Variants in EXT1 observed in about 807,000 individuals in gnomAD.
EXT1 encodes exostosin glycosyltransferase 1, also known as exostosin-1.
EXT1 carries 20 observed loss-of-function variants against 82.5 expected under a neutral mutation model. That is an observed-to-expected ratio of 0.24 (90% CI 0.17 to 0.35). The LOEUF (loss-of-function observed/expected upper bound fraction) is 0.35. Ranked by LOEUF, EXT1 falls within the 10% of genes least tolerant of loss-of-function variation. EXT1 has a pLI of 1.00. For missense variants in EXT1, 757 were observed against 936.5 expected (o/e 0.81, Z 2.50); for synonymous variants, 348 against 350.8 (o/e 0.99, Z 0.09).
At chr8:117,799,920 G>A (rs1586987117) in intron 10 of EXT1, 23 bp from the exon 11 acceptor site, 1 of 1,612,322 alleles carries the variant, frequency 6.2e-7, no homozygotes, top group Non-Finnish European at 8.5e-7. Context: ...AGAGAAACAA[G>A]GATAATGATG....
intron 1 of EXT1, among the ~76,000 whole-genome samples, chr8:117,865,169 A>T (rs1016171175): frequency 2.2e-4 from 33 of 151,930 alleles, no homozygotes; most frequent in African/African-American, 7.3e-4. Context: ...CCCAAATAAA[A>T]TCTTCTTTAC....
intron 1 of EXT1, among the ~76,000 whole-genome samples, chr8:117,905,952 C>T (rs574446266): frequency 5.8e-4 from 89 of 152,316 alleles, no homozygotes; most frequent in Non-Finnish European, 1.2e-3. Context: ...GCTGATGGCT[C>T]CCATTTCTCC....
chr8:118,001,124 C>A (rs1815656262), intron 1 of EXT1, among the ~76,000 whole-genome samples: 1 of 152,172 alleles, frequency 6.6e-6, no homozygotes, highest in Non-Finnish European at 1.5e-5. Context: ...TCTTCAGTAC[C>A]AGTAGAATAT....
chr8:117,923,344 G>A (rs1813891917), intron 1 of EXT1, among the ~76,000 whole-genome samples: 1 of 151,622 alleles, frequency 6.6e-6, no homozygotes, highest in Admixed American at 6.6e-5. Flanking sequence ...GAAGGAAAAA[G>A]GACAGTGAGC....
intron 3 of EXT1, among the ~76,000 whole-genome samples, chr8:117,832,120 T>C (rs1405980083): frequency 6.6e-6 from 1 of 152,186 alleles, no homozygotes; most frequent in African/African-American, 2.4e-5. Context: ...AAAAAAACTA[T>C]CCTGTTCAAT....
rs1209231468 is a variant in EXT1, at chr8:118,073,679, GAA to G, written c.962+36404_962+36405del. On this transcript the variant is annotated intron_variant, in intron 1 of 10. Transcript: ENST00000378204. ...GAAGAGAAGAGAAGAGAAGAGAAGA[GAA>G]GAGAAGAGAAGAGAAGAGAAGAGAA... Among the ~76,000 whole-genome samples the G allele has an allele frequency of 1.2e-3, 183 of 148,508 alleles. 1 individual carries two copies. The highest frequency in any genetic ancestry group is 3.4e-3 in the Middle Eastern group (1 of 290).
At position 118,070,226 on chromosome 8, in the gene EXT1, C is replaced by CTGTGTGTGTG. The variant is rs36229782; in HGVS notation, c.962+39849_962+39858dup. On this transcript the variant is annotated intron_variant, in intron 1 of 10. Coordinates refer to ENST00000378204, the MANE Select transcript of EXT1 (RefSeq NM_000127.3). ...GATTCTTAAAGGACATCATAAATTT[C>CTGTGTGTGTG]TGTGTGTGTGTGTGTGTGTGTGTGT... Among the ~76,000 whole-genome samples the CTGTGTGTGTG allele has an allele frequency of 5.1e-3, 675 of 133,424 alleles. 7 individuals carry two copies. Among genetic ancestry groups the CTGTGTGTGTG allele is most frequent in the African/African-American group, 9.2e-3 (332 of 36,092 alleles). 87.5% of individuals were successfully genotyped at this position (133,424 alleles called of 152,430 possible).
chr8:118,058,800 A>C (rs1816835566), intron 1 of EXT1, among the ~76,000 whole-genome samples: 1 of 152,236 alleles, frequency 6.6e-6, no homozygotes, highest in South Asian at 2.1e-4. Context: ...ATATAGATAT[A>C]CATAACTGAT....
chr8:117,872,837 A>AAAAG, intron 1 of EXT1, among the ~76,000 whole-genome samples: 1 of 152,030 alleles, frequency 6.6e-6, no homozygotes, highest in East Asian at 1.9e-4. Flanking sequence ...AAAAAAAAAA[A>AAAAG]AAAGAAAGAA....
chr8:117,930,478 TAA>T (rs1200566972), intron 1 of EXT1, among the ~76,000 whole-genome samples: 1 of 152,128 alleles, frequency 6.6e-6, no homozygotes, highest in Non-Finnish European at 1.5e-5. Context: ...GACTTATCTC[TAA>T]ATATCCACAT....
At chr8:118,062,482 A>G (rs544606440) in intron 1 of EXT1, among the ~76,000 whole-genome samples, 11 of 152,312 alleles carry the variant, frequency 7.2e-5, no homozygotes, top group South Asian at 4.1e-4. Flanking sequence ...AAGACTCCAC[A>G]AAGTGAGAGG....
intron 1 of EXT1, among the ~76,000 whole-genome samples, chr8:118,024,134 T>C (rs1387300224): frequency 1.3e-5 from 2 of 152,330 alleles, no homozygotes; most frequent in East Asian, 1.9e-4. Flanking sequence ...GGACTACTTA[T>C]GTTTCAAAAA....
At chr8:117,963,146 G>C (rs1421521182) in intron 1 of EXT1, among the ~76,000 whole-genome samples, 2 of 152,178 alleles carry the variant, frequency 1.3e-5, no homozygotes, top group African/African-American at 4.8e-5. Flanking sequence ...GGGGATTGAG[G>C]TGTTGAGTTT....
intron 1 of EXT1, among the ~76,000 whole-genome samples, chr8:117,853,364 G>A (rs6999820): frequency 0.015 from 2,250 of 152,262 alleles, 50 homozygotes; most frequent in African/African-American, 0.048. Flanking sequence ...GGCCAACATG[G>A]TGAAACCCCC....
intron 1 of EXT1, among the ~76,000 whole-genome samples, chr8:117,856,421 A>AT (rs1563581243): frequency 0.017 from 2,065 of 119,804 alleles, 76 homozygotes; most frequent in African/African-American, 0.074. Context: ...CGCCTGGCTA[A>AT]ATTTTTTTTT....
chr8:118,098,775 A>AAG (rs56888166), intron 1 of EXT1, among the ~76,000 whole-genome samples: 1 of 142,766 alleles, frequency 7.0e-6, no homozygotes, highest in Admixed American at 7.0e-5. Context: ...AAAAAAAAAA[A>AAG]GAATAGCTAG....
chr8:118,016,186 GTT>G (rs1816001062), intron 1 of EXT1, among the ~76,000 whole-genome samples: 1 of 152,200 alleles, frequency 6.6e-6, no homozygotes. Flanking sequence ...GAGGCCAGGA[GTT>G]TGAGACCAGC....
intron 1 of EXT1, among the ~76,000 whole-genome samples, chr8:117,842,191 C>A (rs931284810): frequency 6.6e-6 from 1 of 152,118 alleles, no homozygotes; most frequent in Non-Finnish European, 1.5e-5. Flanking sequence ...AACCTGGGTT[C>A]GAATTCCAGC....
At chr8:117,867,260 G>GAAAAAAAAAAAAAAAAAAAAAAAAAAAAA (rs372575361) in intron 1 of EXT1, among the ~76,000 whole-genome samples, 3 of 98,914 alleles carry the variant, frequency 3.0e-5, no homozygotes, top group African/African-American at 1.2e-4. Context: ...CTCCACCTCA[G>GAAAAAAAAAAAAAAAAAAAAAAAAAAAAA]AAAAAAAAAA....
Sources: allele counts gnomAD v4.1 joint callset (sites outside exome capture counted in the v4.1 genomes callset), GRCh38; gene constraint gnomAD v4.1.1; transcripts MANE v1.5; gene names NCBI Gene and HGNC (gene_info 2026-07-23, HGNC 2026-07-21).